The following ITGB1 variants were observed in gnomAD, a reference collection of about 807,000 sequenced individuals.
ITGB1 encodes the protein integrin beta-1.
In ITGB1, 24 loss-of-function variants were observed where a neutral mutation model predicts 86.5. The ratio of observed to expected loss-of-function variants is 0.28; its 90% CI spans 0.20 to 0.39. The LOEUF (loss-of-function observed/expected upper bound fraction) is 0.39, where lower values mean the gene tolerates loss of function less well. ITGB1 is among the 10% of genes least tolerant of loss of function. The pLI, the probability that ITGB1 is intolerant of heterozygous loss-of-function variation, is 1.00. For missense variants in ITGB1, 556 were observed against 946.9 expected, an observed-to-expected ratio of 0.59 and a Z score of 5.42; for synonymous variants, 323 against 316.8, an observed-to-expected ratio of 1.02 and a Z score of -0.21.
chr10:32,922,550 T>G, intron 8 of ITGB1, 90 bp downstream of exon 8: 1 of 858,970 alleles, frequency 1.2e-6, no homozygotes. Context: ...GCCTATCTGG[T>G]GGCATTTTCC....
chr10:32,920,650 G>A (rs2094946430), intron 9 of ITGB1, among the ~76,000 whole-genome samples: 2 of 151,844 alleles, frequency 1.3e-5, no homozygotes, highest in African/African-American at 4.8e-5. Flanking sequence ...ACAGTGCAGA[G>A]GGCTGTTACT....
intron 5 of ITGB1, among the ~76,000 whole-genome samples, chr10:32,927,730 G>T (rs549568079): frequency 1.3e-5 from 2 of 151,702 alleles, no homozygotes; most frequent in Non-Finnish European, 2.9e-5. Context: ...GGAAGCGGAG[G>T]TTGCAGTGAG....
chr10:32,926,118 A>G lies in ITGB1; in HGVS notation c.548-9T>C, dbSNP rs773489829. On this transcript the variant is annotated splice_polypyrimidine_tract_variant and intron_variant, in intron 5 of 15. Coordinates refer to ENST00000302278, the MANE Select transcript of ITGB1 (RefSeq NM_002211.4). ...CACAAATGAGCCAAATCCTGCCAAGAAAAAAATGGTACATAAATGAATGAA... is the reference window on the plus strand; with the variant it reads ...CACAAATGAGCCAAATCCTGCCAAGGAAAAAATGGTACATAAATGAATGAA... 6 of 1,573,838 alleles carry G rather than the reference A, an allele frequency of 3.8e-6. No homozygotes were observed. The highest frequency in any genetic ancestry group is 1.3e-5 in the African/African-American group (1 of 74,102).
chr10:32,913,475 T>G (rs1462159388), intron 11 of ITGB1, among the ~76,000 whole-genome samples: 1 of 152,128 alleles, frequency 6.6e-6, no homozygotes, highest in Non-Finnish European at 1.5e-5. Context: ...AGACCTTAAA[T>G]GACCTGATGG....
At chr10:32,927,969 G>T in intron 5 of ITGB1, 125 bp downstream of exon 5, 1 of 577,878 alleles carries the variant, frequency 1.7e-6, no homozygotes, top group South Asian at 2.8e-5. Flanking sequence ...CTCAGAAAAG[G>T]CTAAAAAACT....
intron 3 of ITGB1, among the ~76,000 whole-genome samples, chr10:32,930,329 T>C (rs1043656199): frequency 2.0e-5 from 3 of 152,202 alleles, no homozygotes; most frequent in Admixed American, 6.5e-5. Flanking sequence ...GCAATTTCTT[T>C]AGTGAAATCA....
At chr10:32,915,905 A>C (rs1261215255) in intron 11 of ITGB1, among the ~76,000 whole-genome samples, 2 of 152,228 alleles carry the variant, frequency 1.3e-5, no homozygotes, top group Non-Finnish European at 2.9e-5. Context: ...CATCGATGCA[A>C]AAATCCTCAG....
chr10:32,937,471 G>A lies in ITGB1; in HGVS notation c.1-1913C>T, dbSNP rs140075308. 9.6e-3 allele frequency among the ~76,000 whole-genome samples: 1,434 copies of A among 149,378 alleles called. 24 individuals are homozygous for A. The highest frequency in any genetic ancestry group is 0.027 in the African/African-American group (1,098 of 40,254). On this transcript the variant is annotated intron_variant, in intron 1 of 15. Coordinates refer to ENST00000302278, the MANE Select transcript of ITGB1 (RefSeq NM_002211.4). ...CTCAGGAGGCTGAGGCAGGAGAATCGCTTGAACCCGGGAGGCGGAGGTTGC... is the reference window on the plus strand; with the variant it reads ...CTCAGGAGGCTGAGGCAGGAGAATCACTTGAACCCGGGAGGCGGAGGTTGC...
At chr10:32,936,580 G>T (rs918457762) in intron 1 of ITGB1, among the ~76,000 whole-genome samples, 1 of 151,006 alleles carries the variant, frequency 6.6e-6, no homozygotes, top group African/African-American at 2.4e-5. Context: ...TTGTCTTCTA[G>T]AACCTCTAAC....
chr10:32,941,353 T>A (rs2095017795), intron 1 of ITGB1, among the ~76,000 whole-genome samples: 1 of 152,244 alleles, frequency 6.6e-6, no homozygotes, highest in Admixed American at 6.5e-5. Flanking sequence ...GTTGGTGGAA[T>A]GAGTGATTAT....
At chr10:32,908,023 A>C (rs1038193770) in intron 15 of ITGB1, among the ~76,000 whole-genome samples, 1 of 152,164 alleles carries the variant, frequency 6.6e-6, no homozygotes, top group African/African-American at 2.4e-5. Context: ...TTAAAGAAAG[A>C]AGCAGCTTTC....
At chr10:32,955,860 AATGTTGAGG>A (rs2095051238) in intron 1 of ITGB1, among the ~76,000 whole-genome samples, 1 of 152,226 alleles carries the variant, frequency 6.6e-6, no homozygotes, top group Non-Finnish European at 1.5e-5. Flanking sequence ...TCATGTGCAG[AATGTTGAGG>A]GTATTAAAAA....
intron 15 of ITGB1, among the ~76,000 whole-genome samples, chr10:32,902,661 C>T (rs978527333): frequency 8.5e-5 from 13 of 152,190 alleles, no homozygotes; most frequent in Non-Finnish European, 1.9e-4. Context: ...ACTATAGAAC[C>T]AACTGCAGGT....
Position 32,920,368 on chromosome 10 carries a change from G to T in ITGB1, c.1146C>A (p.Val382=). 6.2e-7 allele frequency: 1 copy of T among 1,613,266 alleles called. No homozygotes were observed. The highest frequency in any genetic ancestry group is 1.1e-5 in the South Asian group (1 of 91,002). Residue 382 remains valine (V), a synonymous_variant, in exon 10 of 16, where the codon GTC becomes GTA. Transcript: ENST00000302278. ...CTGACAATTTGCCGTTTTCCAAAAT[G>T]ACTTCTGAGGAAAGGGACTAAAAGA... ...IDAYNSLSSE[V]ILENGKLSEG... is the part of the protein sequence containing the mutation.
chr10:32,903,915 G>A (rs1297234748), intron 15 of ITGB1, among the ~76,000 whole-genome samples: 1 of 146,180 alleles, frequency 6.8e-6, no homozygotes, highest in African/African-American at 2.5e-5. Flanking sequence ...AATATGTTGG[G>A]AAAATAAATT....
chr10:32,917,035 C>T (rs1160006811), intron 11 of ITGB1, among the ~76,000 whole-genome samples: 2 of 151,466 alleles, frequency 1.3e-5, no homozygotes, highest in South Asian at 4.2e-4. Context: ...AGAAATAATA[C>T]CACACATCTA....
intron 1 of ITGB1, among the ~76,000 whole-genome samples, chr10:32,950,373 CAT>C (rs1343683455): frequency 3.9e-5 from 6 of 152,148 alleles, no homozygotes; most frequent in Admixed American, 2.0e-4. Context: ...GAGAGGGTGA[CAT>C]GTGGAGATGA....
intron 11 of ITGB1, among the ~76,000 whole-genome samples, chr10:32,912,451 C>A (rs1381263193): frequency 6.6e-6 from 1 of 152,208 alleles, no homozygotes; most frequent in South Asian, 2.1e-4. Context: ...ACTAATACTG[C>A]GCTTTTCCAA....
Position 32,901,636 on chromosome 10 carries a change from C to T in ITGB1, c.2332-1G>A. 6.3e-7 allele frequency: 1 copy of T among 1,587,758 alleles called. No homozygotes were observed. The highest frequency in any genetic ancestry group is 8.6e-7 in the Non-Finnish European group (1 of 1,163,614). On this transcript the variant is annotated splice_acceptor_variant, in intron 15 of 15. Transcript: ENST00000302278. LOFTEE classifies it high-confidence loss of function. ...CACTCTTATAAATAGGATTTTCACC[C>T]TACAACAAAAAAAAAGTGAGAAAAA...
Sources: allele counts gnomAD v4.1 joint callset (sites outside exome capture counted in the v4.1 genomes callset), GRCh38; gene constraint gnomAD v4.1.1; transcripts MANE v1.5; gene names NCBI Gene and HGNC (gene_info 2026-07-23, HGNC 2026-07-21).